PDE7A: variants seen among roughly 807,000 people sequenced by gnomAD.
PDE7A encodes the protein high affinity 3',5'-cyclic-AMP phosphodiesterase 7A.
A neutral mutation model predicts 64.3 loss-of-function variants in PDE7A; 39 were observed. The ratio of observed to expected loss-of-function variants is 0.61; its 90% CI spans 0.47 to 0.79. The LOEUF is 0.79. Among genes scored for constraint, PDE7A ranks in the 30% least tolerant of loss-of-function variants. The pLI, the probability that PDE7A is intolerant of heterozygous loss-of-function variation, is 0.00. For synonymous variants in PDE7A, 203 were observed against 206.8 expected (o/e 0.98, Z 0.16); for missense variants, 470 against 582.8 (o/e 0.81, Z 1.99).
intron 3 of PDE7A, among the ~76,000 whole-genome samples, chr8:65,766,246 G>A (rs1029855275): frequency 2.6e-5 from 4 of 152,098 alleles, no homozygotes; most frequent in Non-Finnish European, 4.4e-5. Flanking sequence ...ATGCCCAGCC[G>A]AGATGAATTT....
At chr8:65,767,796 A>G (rs1294812028) in intron 3 of PDE7A, among the ~76,000 whole-genome samples, 1 of 152,120 alleles carries the variant, frequency 6.6e-6, no homozygotes, top group Non-Finnish European at 1.5e-5. Flanking sequence ...CTTCATCTGG[A>G]TCCTTTGCAA....
chr8:65,791,120 G>C (rs1809690889), intron 1 of PDE7A, among the ~76,000 whole-genome samples: 1 of 152,148 alleles, frequency 6.6e-6, no homozygotes, highest in Non-Finnish European at 1.5e-5. Flanking sequence ...GCTATTTTTG[G>C]TACAATACTT....
chr8:65,837,667 C>T (rs1029486824), intron 1 of PDE7A, among the ~76,000 whole-genome samples: 8 of 152,232 alleles, frequency 5.3e-5, no homozygotes, highest in African/African-American at 1.9e-4. Context: ...TGTTTGGCAT[C>T]ACCATCATTT....
intron 3 of PDE7A, among the ~76,000 whole-genome samples, chr8:65,772,563 T>C (rs1809135468): frequency 6.6e-6 from 1 of 152,192 alleles, no homozygotes; most frequent in Non-Finnish European, 1.5e-5. Context: ...GTAAATAAAC[T>C]ACTGATATCT....
At chr8:65,781,828 A>C (rs1809426831) in intron 2 of PDE7A, among the ~76,000 whole-genome samples, 1 of 152,224 alleles carries the variant, frequency 6.6e-6, no homozygotes, top group Non-Finnish European at 1.5e-5. Context: ...TCTTAAGGAC[A>C]GCGGAATCCT....
chr8:65,813,871 T>TAG (rs1810315114), intron 1 of PDE7A, among the ~76,000 whole-genome samples: 2 of 152,200 alleles, frequency 1.3e-5, no homozygotes, highest in Non-Finnish European at 2.9e-5. Context: ...GATAATTTTC[T>TAG]CTTCTTCAAC....
chr8:65,815,892 G>A (rs942640805), intron 1 of PDE7A, among the ~76,000 whole-genome samples: 3 of 152,140 alleles, frequency 2.0e-5, no homozygotes, highest in African/African-American at 7.2e-5. Context: ...TCTTAGTGGG[G>A]CCAGATTTTC....
At position 65,826,814 on chromosome 8, in the gene PDE7A, A is replaced by G. The variant is rs529476085; in HGVS notation, c.138+14557T>C. On this transcript the variant is annotated intron_variant, in intron 1 of 12. Coordinates refer to ENST00000401827, the MANE Select transcript of PDE7A (RefSeq NM_001242318.3). ...GCTGAAGGTCCAAAATCAAGGAGTC[A>G]GCAGGACCATGCTCCCTTTGAAGGC... Among the ~76,000 whole-genome samples the G allele has an allele frequency of 9.8e-5, 15 of 152,316 alleles. No individual in the cohort carries two copies. The South Asian group carries it at 3.1e-3, about 32-fold the overall frequency.
chr8:65,751,044 T>C (rs1807929274), intron 3 of PDE7A, among the ~76,000 whole-genome samples: 1 of 152,224 alleles, frequency 6.6e-6, no homozygotes, highest in Non-Finnish European at 1.5e-5. Context: ...TTACTGATTA[T>C]GTCACAGACA....
intron 1 of PDE7A, among the ~76,000 whole-genome samples, chr8:65,827,317 T>G (rs1810702625): frequency 6.6e-6 from 1 of 152,244 alleles, no homozygotes; most frequent in African/African-American, 2.4e-5. Context: ...ATGAGAAGTT[T>G]ACAGGCTCTT....
chr8:65,724,224 A>G (rs775371025), intron 11 of PDE7A, 31 bp downstream of exon 11: 1 of 1,344,752 alleles, frequency 7.4e-7, no homozygotes, highest in Non-Finnish European at 1.1e-6. Context: ...TGAACTGGAT[A>G]GATTAATTAT....
At chr8:65,785,672 G>C (rs1210921126) in intron 1 of PDE7A, among the ~76,000 whole-genome samples, 9 of 152,086 alleles carry the variant, frequency 5.9e-5, no homozygotes, top group Non-Finnish European at 1.0e-4. Flanking sequence ...ATTCCTATCA[G>C]CTAAAGCAAA....
chr8:65,723,665 T>C (rs756528017), intron 11 of PDE7A, 44 bp from the exon 12 acceptor site: 45 of 1,343,286 alleles, frequency 3.3e-5, no homozygotes, highest in Middle Eastern at 4.9e-4. Flanking sequence ...AGAATATCTA[T>C]TGGTTAAATA....
At position 65,726,830 on chromosome 8, in the gene PDE7A, C is replaced by T. The variant is rs1006468403; in HGVS notation, c.920+45G>A. 3 of 1,016,838 alleles carry T rather than the reference C, an allele frequency of 3.0e-6. No individual in the cohort carries two copies. The African/African-American group carries it at 4.8e-5, about 16-fold the overall frequency. 63.0% of individuals were successfully genotyped at this position (1,016,838 alleles called of 1,614,324 possible). A position where few individuals can be genotyped will look rare whatever the true frequency, so the allele number is the denominator to read the frequency against. ...TTATAAAATTACTTTGCCAACTTAACTTCTATAACCAGTAACAAATTAAAT... is the reference window on the plus strand; with the variant it reads ...TTATAAAATTACTTTGCCAACTTAATTTCTATAACCAGTAACAAATTAAAT... On this transcript the variant is annotated intron_variant, in intron 9 of 12. Transcript: ENST00000401827.
At chr8:65,823,881 T>A (rs1045156149) in intron 1 of PDE7A, among the ~76,000 whole-genome samples, 2 of 152,090 alleles carry the variant, frequency 1.3e-5, no homozygotes, top group Non-Finnish European at 2.9e-5. Context: ...GCAGTACAAG[T>A]AGGACATTAA....
Position 65,723,631 on chromosome 8 carries a change from A to G in PDE7A, c.1163-10T>C. 6.6e-7 allele frequency: 1 copy of G among 1,514,314 alleles called. No homozygotes were observed. 93.8% of individuals were successfully genotyped at this position (1,514,314 alleles called of 1,614,324 possible). A position where few individuals can be genotyped will look rare whatever the true frequency, so the allele number is the denominator to read the frequency against. On this transcript the variant is annotated splice_polypyrimidine_tract_variant and intron_variant, in intron 11 of 12. Coordinates refer to ENST00000401827, the MANE Select transcript of PDE7A (RefSeq NM_001242318.3). ...TTTTTTTCTATATCTCCTATAAATT[A>G]AAAAAAGAGAAGTATTAATATGAAG...
At chr8:65,826,425 CAAACACAA>C (rs888596317) in intron 1 of PDE7A, among the ~76,000 whole-genome samples, 3 of 152,158 alleles carry the variant, frequency 2.0e-5, no homozygotes, top group African/African-American at 7.2e-5. Flanking sequence ...TCTTTGAAAC[CAAACACAA>C]AGATCTCACT....
At chr8:65,824,466 T>A (rs1273681076) in intron 1 of PDE7A, among the ~76,000 whole-genome samples, 1 of 152,204 alleles carries the variant, frequency 6.6e-6, no homozygotes, top group Non-Finnish European at 1.5e-5. Flanking sequence ...GACTTCAATT[T>A]TGGAAGTTCT....
intron 1 of PDE7A, among the ~76,000 whole-genome samples, chr8:65,838,196 T>C (rs1810995107): frequency 6.6e-6 from 1 of 152,222 alleles, no homozygotes; most frequent in African/African-American, 2.4e-5. Context: ...ATCAATGTAC[T>C]CACTCAACTT....
Sources: allele counts gnomAD v4.1 joint callset (sites outside exome capture counted in the v4.1 genomes callset), GRCh38; gene constraint gnomAD v4.1.1; transcripts MANE v1.5; gene names NCBI Gene and HGNC (gene_info 2026-07-23, HGNC 2026-07-21).